SLC25A13: variants seen among roughly 807,000 people sequenced by gnomAD.
SLC25A13 encodes solute carrier family 25 member 13, also known as electrogenic aspartate/glutamate antiporter SLC25A13, mitochondrial.
SLC25A13 carries 70 observed loss-of-function variants against 85.5 expected under a neutral mutation model. The observed-to-expected ratio is 0.82, with a 90% CI of 0.68 to 1.00. The LOEUF (loss-of-function observed/expected upper bound fraction) is 1.00, where lower values mean the gene tolerates loss of function less well. SLC25A13 is among the 50% of genes least tolerant of loss of function. SLC25A13 has a pLI of 0.00. For synonymous variants in SLC25A13, 259 were observed against 288.7 expected, an observed-to-expected ratio of 0.90 and a Z score of 1.04; for missense variants, 765 against 819.8, an observed-to-expected ratio of 0.93 and a Z score of 0.82.
At chr7:96,228,566 C>T (rs761429145) in intron 4 of SLC25A13, among the ~76,000 whole-genome samples, 13 of 152,334 alleles carry the variant, frequency 8.5e-5, no homozygotes, top group Non-Finnish European at 1.6e-4. Flanking sequence ...TGGCAGTCCT[C>T]GCTCGCTCTA....
At position 96,122,755 on chromosome 7, in the gene SLC25A13, AC is replaced by A. The variant is rs201090534; in HGVS notation, c.1592-759del. ...AACAACAGAAAACCCTCCCAAAGTTACCAATGGGAAATTTTTCTACAGTCAC... is the reference window on the plus strand; with the variant it reads ...AACAACAGAAAACCCTCCCAAAGTTACAATGGGAAATTTTTCTACAGTCAC... On this transcript the variant is annotated intron_variant, in intron 15 of 17. Coordinates refer to ENST00000265631, the MANE Select transcript of SLC25A13 (RefSeq NM_014251.3). Among the ~76,000 whole-genome samples the A allele has an allele frequency of 1.4e-3, 209 of 152,318 alleles. 6 individuals carry two copies. The East Asian group carries it at 0.032, about 23-fold the overall frequency.
In SLC25A13 at chr7:96,121,019, T is replaced by A. The variant is rs1791475529; in HGVS notation, c.*172A>T. The A allele has an allele frequency of 3.9e-6, 3 of 778,170 alleles. No individual in the cohort carries two copies. Among genetic ancestry groups the A allele is most frequent in the Non-Finnish European group, 2.2e-6 (1 of 455,938 alleles). 48.2% of individuals were successfully genotyped at this position (778,170 alleles called of 1,614,324 possible). A position where few individuals can be genotyped will look rare whatever the true frequency, so the allele number is the denominator to read the frequency against. ...ATAATTATGAATAATTTCACAATGA[T>A]CTGGTTAAGAAAACACCCAGAAAAT... On this transcript the variant is annotated 3_prime_UTR_variant, in exon 18 of 18. Coordinates refer to ENST00000265631, the MANE Select transcript of SLC25A13 (RefSeq NM_014251.3).
chr7:96,286,236 G>C (rs574779562), intron 2 of SLC25A13, among the ~76,000 whole-genome samples: 1 of 142,996 alleles, frequency 7.0e-6, no homozygotes, highest in African/African-American at 2.6e-5. Context: ...AGTGAGCCAA[G>C]ATCATACCAC....
intron 3 of SLC25A13, among the ~76,000 whole-genome samples, chr7:96,271,140 T>C (rs889009843): frequency 1.3e-5 from 2 of 152,196 alleles, no homozygotes; most frequent in African/African-American, 4.8e-5. Context: ...GGAATAGATC[T>C]CTTTGGGTGG....
At chr7:96,218,824 T>C (rs971893146) in intron 4 of SLC25A13, among the ~76,000 whole-genome samples, 2 of 152,188 alleles carry the variant, frequency 1.3e-5, no homozygotes, top group African/African-American at 4.8e-5. Context: ...GCATTTTATC[T>C]CTGAACAGTT....
chr7:96,193,036 C>T lies in SLC25A13; in HGVS notation c.615+1G>A. On this transcript the variant is annotated splice_donor_variant, in intron 6 of 17. Transcript: ENST00000265631. LOFTEE classifies it high-confidence loss of function. ...CTTCATTAGGGCAAGTTACAACTTA[C>T]AGCTACTAGACATTCTTCTACAAAA... The T allele has an allele frequency of 1.9e-6, 3 of 1,613,946 alleles. No individual in the cohort carries two copies. Among genetic ancestry groups the T allele is most frequent in the Non-Finnish European group, 2.5e-6 (3 of 1,179,976 alleles).
intron 4 of SLC25A13, chr7:96,219,595 G>A (rs1445067272): frequency 2.1e-6 from 1 of 474,994 alleles, no homozygotes; most frequent in African/African-American, 2.0e-5. Context: ...TTCATTTGAA[G>A]TAGGAACTAC....
chr7:96,265,005 C>A (rs942330911), intron 3 of SLC25A13, among the ~76,000 whole-genome samples: 2 of 152,212 alleles, frequency 1.3e-5, no homozygotes, highest in African/African-American at 4.8e-5. Context: ...TTCAGCCTCA[C>A]ACAGATTCAT....
intron 1 of SLC25A13, among the ~76,000 whole-genome samples, chr7:96,320,496 T>A (rs1390300784): frequency 6.6e-6 from 1 of 152,206 alleles, no homozygotes; most frequent in Non-Finnish European, 1.5e-5. Flanking sequence ...CCAAGCCTTG[T>A]ACCTTGGTTG....
At chr7:96,283,638 A>G in intron 2 of SLC25A13, 1 of 294,792 alleles carries the variant, frequency 3.4e-6, no homozygotes, top group Non-Finnish European at 6.6e-6. Context: ...TGTGCTGGGC[A>G]CATTAAGCAC....
chr7:96,189,421 ATTACAAT>A, intron 8 of SLC25A13, 43 bp from the exon 9 acceptor site: 1 of 1,578,338 alleles, frequency 6.3e-7, no homozygotes, highest in South Asian at 1.1e-5. Flanking sequence ...ATACCAATTT[ATTACAAT>A]TTACATTATA....
chr7:96,183,372 C>G (rs1794493784), intron 11 of SLC25A13, among the ~76,000 whole-genome samples: 1 of 152,074 alleles, frequency 6.6e-6, no homozygotes, highest in Admixed American at 6.5e-5. Flanking sequence ...CACAGGTTTC[C>G]ATGTCTGCCA....
At chr7:96,284,986 G>T (rs1262620868) in intron 2 of SLC25A13, among the ~76,000 whole-genome samples, 1 of 151,726 alleles carries the variant, frequency 6.6e-6, no homozygotes, top group East Asian at 1.9e-4. Flanking sequence ...ATTACTAATA[G>T]TAGGCATCAT....
At chr7:96,187,856 G>A (rs1315790998) in intron 9 of SLC25A13, among the ~76,000 whole-genome samples, 2 of 152,154 alleles carry the variant, frequency 1.3e-5, no homozygotes, top group East Asian at 1.9e-4. Context: ...GGGCCCACTA[G>A]GGTTCATGCA....
intron 3 of SLC25A13, among the ~76,000 whole-genome samples, chr7:96,264,548 T>C (rs1359137987): frequency 3.3e-5 from 5 of 152,216 alleles, no homozygotes. Flanking sequence ...CTTAACACAG[T>C]TATAAATTGT....
chr7:96,318,923 T>C (rs1367450804), intron 1 of SLC25A13, among the ~76,000 whole-genome samples: 8 of 152,120 alleles, frequency 5.3e-5, no homozygotes, highest in Non-Finnish European at 8.8e-5. Context: ...CCTCAACTTT[T>C]AAGAGGGAAT....
rs538176515 is a variant in SLC25A13 at position 96,212,693 on chromosome 7, G to A, written c.329-3716C>T. The stretch of plus-strand genomic sequence containing the variant: ...CACCTGGGATCACTGAGACATGATA[G>A]ATCCTGCTCCAGGTAGCCACAGACA... On this transcript the variant is annotated intron_variant, in intron 4 of 17. Coordinates refer to ENST00000265631, the MANE Select transcript of SLC25A13 (RefSeq NM_014251.3). 5.9e-5 allele frequency among the ~76,000 whole-genome samples: 9 copies of A among 152,314 alleles called. No individual in the cohort carries two copies. The South Asian group carries it at 1.9e-3, about 32-fold the overall frequency.
At chr7:96,305,001 C>T (rs976164932) in intron 1 of SLC25A13, among the ~76,000 whole-genome samples, 1 of 152,162 alleles carries the variant, frequency 6.6e-6, no homozygotes, top group Non-Finnish European at 1.5e-5. Flanking sequence ...TTAATTATAA[C>T]GATAACAATG....
intron 9 of SLC25A13, among the ~76,000 whole-genome samples, chr7:96,188,421 G>A (rs1006990426): frequency 6.6e-6 from 1 of 152,220 alleles, no homozygotes; most frequent in Non-Finnish European, 1.5e-5. Flanking sequence ...TCCTAAAAGT[G>A]TAGCCTGCAG....
Sources: allele counts gnomAD v4.1 joint callset (sites outside exome capture counted in the v4.1 genomes callset), GRCh38; gene constraint gnomAD v4.1.1; transcripts MANE v1.5; gene names NCBI Gene and HGNC (gene_info 2026-07-23, HGNC 2026-07-21).